Variants in CDC25C observed in about 807,000 individuals in gnomAD.
CDC25C encodes the protein cell division cycle 25C.
A neutral mutation model predicts 52.5 loss-of-function variants in CDC25C; 48 were observed. That is an observed-to-expected ratio of 0.91 (90% CI 0.72 to 1.16). CDC25C has a LOEUF of 1.16. CDC25C is among the 50% of genes most tolerant of loss of function. The pLI is 0.00. For missense variants in CDC25C, 510 were observed against 566.1 expected (o/e 0.90, Z 1.01); for synonymous variants, 187 against 206.5 (o/e 0.91, Z 0.81).
chr5:138,290,819 G>T, intron 8 of CDC25C, 79 bp from the exon 9 acceptor site: 1 of 859,096 alleles, frequency 1.2e-6, no homozygotes. Flanking sequence ...GTGGGCCATG[G>T]TGGCGCACAT....
chr5:138,337,047 T>C (rs2126873580), intron 1 of CDC25C: 1 of 152,310 alleles, frequency 6.6e-6, no homozygotes, highest in Non-Finnish European at 1.5e-5. Flanking sequence ...CTAAGTGTAA[T>C]AGTGAAGATT....
chr5:138,289,818 T>A (rs1415665068), intron 9 of CDC25C, among the ~76,000 whole-genome samples: 2 of 151,100 alleles, frequency 1.3e-5, no homozygotes, highest in African/African-American at 4.9e-5. Context: ...TAAGAAAAAA[T>A]TGTAAAACCA....
At chr5:138,326,091 C>G (rs1393940857) in intron 4 of CDC25C, 37 bp from the exon 5 acceptor site, 4 of 1,610,630 alleles carry the variant, frequency 2.5e-6, no homozygotes, top group Non-Finnish European at 3.4e-6. Flanking sequence ...AGGTTAGTCC[C>G]AAATACTGTT....
chr5:138,291,841 G>T, intron 8 of CDC25C, 129 bp downstream of exon 8: 1 of 569,790 alleles, frequency 1.8e-6, no homozygotes. Context: ...AAGATGGAAA[G>T]AACAAAGAGG....
rs1756156869 is a variant in CDC25C, at chr5:138,285,769, T to G, written c.1345A>C (p.Ser449Arg). Residue 449 changes from serine (S) to arginine (R), a missense_variant, in exon 14 of 14, where the codon AGC (serine) becomes CGC (arginine). Ser to Arg is a moderately radical substitution (Grantham distance 110). Transcript: ENST00000323760. ...TCCCCTTCCTGCACTTTGCTCTGGCTTCGACACCTCAGCAACTCAGTCTTG... is the reference window on the plus strand; with the variant it reads ...TCCCCTTCCTGCACTTTGCTCTGGCGTCGACACCTCAGCAACTCAGTCTTG... ...DHKTELLRCR[S>R]QSKVQEGERQ... The G allele has an allele frequency of 6.2e-7, 1 of 1,614,112 alleles. No homozygotes were observed. Among genetic ancestry groups the G allele is most frequent in the African/African-American group, 1.3e-5 (1 of 74,948 alleles).
intron 7 of CDC25C, among the ~76,000 whole-genome samples, chr5:138,314,030 G>A (rs943610697): frequency 2.1e-5 from 2 of 97,118 alleles, no homozygotes; most frequent in African/African-American, 7.4e-5. Context: ...GTCTTGCTCT[G>A]TCGCACCCAG....
intron 7 of CDC25C, among the ~76,000 whole-genome samples, chr5:138,318,199 G>A (rs946122333): frequency 1.1e-4 from 17 of 152,098 alleles, no homozygotes; most frequent in Admixed American, 2.0e-4. Context: ...GCATGATGGC[G>A]TGCTTTGGGA....
At chr5:138,291,673 C>T (rs1756726852) in intron 8 of CDC25C, among the ~76,000 whole-genome samples, 1 of 151,904 alleles carries the variant, frequency 6.6e-6, no homozygotes, top group East Asian at 1.9e-4. Context: ...CCCGCCTCGG[C>T]CTCCCAAAGT....
chr5:138,305,752 C>T (rs1209607623), intron 7 of CDC25C, among the ~76,000 whole-genome samples: 8 of 152,172 alleles, frequency 5.3e-5, no homozygotes, highest in Non-Finnish European at 1.2e-4. Flanking sequence ...ATTTGGCTGC[C>T]TAACATACTG....
chr5:138,325,820 CTTT>C lies in CDC25C; in HGVS notation c.451_453del (p.Lys151del). 1 of 1,609,858 alleles carries C rather than the reference CTTT, an allele frequency of 6.2e-7. No homozygotes were observed. ...GGTTTCCATTAAACACTCACATTTT[CTTT>C]ATTTGCAGATGAACTACACATTGCA... is the stretch of plus-strand genomic sequence containing the variant. On this transcript the variant is annotated inframe_deletion, in exon 6 of 14. Coordinates refer to ENST00000323760, the MANE Select transcript of CDC25C (RefSeq NM_001790.5).
chr5:138,292,816 T>C (rs907073064), intron 7 of CDC25C, among the ~76,000 whole-genome samples: 5 of 152,142 alleles, frequency 3.3e-5, no homozygotes, highest in African/African-American at 1.2e-4. Flanking sequence ...ATATTCAGAG[T>C]TGAGGGTCTA....
At chr5:138,323,220 C>T (rs1422373230) in intron 6 of CDC25C, among the ~76,000 whole-genome samples, 1 of 152,100 alleles carries the variant, frequency 6.6e-6, no homozygotes, top group Non-Finnish European at 1.5e-5. Context: ...CATGAGCCAC[C>T]ATGCCTGGCC....
intron 8 of CDC25C, 106 bp downstream of exon 8, chr5:138,291,859 AAAAGT>A: frequency 3.9e-6 from 3 of 764,570 alleles, no homozygotes; most frequent in South Asian, 4.9e-5. Context: ...AGGAAAAAGT[AAAAGT>A]AAAGAGGAAG....
intron 6 of CDC25C, among the ~76,000 whole-genome samples, chr5:138,321,695 T>C (rs1351386701): frequency 7.8e-6 from 1 of 128,034 alleles, no homozygotes; most frequent in African/African-American, 3.1e-5. Context: ...GAGGTTGCAG[T>C]GAGCTGAGAT....
intron 7 of CDC25C, among the ~76,000 whole-genome samples, chr5:138,318,180 A>G (rs1042201744): frequency 6.6e-6 from 1 of 152,142 alleles, no homozygotes; most frequent in Non-Finnish European, 1.5e-5. Flanking sequence ...ATTACAAAAA[A>G]TTAGCCAGGC....
chr5:138,321,313 T>C (rs1759365936), intron 6 of CDC25C, among the ~76,000 whole-genome samples: 1 of 152,046 alleles, frequency 6.6e-6, no homozygotes, highest in African/African-American at 2.4e-5. Flanking sequence ...TTACTGTCAC[T>C]AGACTGCACA....
At chr5:138,326,171 T>C in intron 4 of CDC25C, 117 bp from the exon 5 acceptor site, 1 of 1,011,012 alleles carries the variant, frequency 9.9e-7, no homozygotes, top group Non-Finnish European at 1.6e-6. Context: ...TATTCCTAGT[T>C]GATATGTCTC....
Position 138,286,560 on chromosome 5 carries a change from T to C in CDC25C, c.1097A>G (p.Asp366Gly). 6.2e-7 allele frequency: 1 copy of C among 1,613,996 alleles called. No homozygotes were observed. The highest frequency in any genetic ancestry group is 8.5e-7 in the Non-Finnish European group (1 of 1,179,886). Residue 366 changes from aspartate (D) to glycine (G), a missense_variant, in exon 12 of 14, where the codon GAC becomes GGC. Transcript: ENST00000323760. ...FFLKKPIVPL[D>G]TQKRIIIVFH... Reference sequence around the variant, plus strand: ...CACGATGATTATTCTCTTCTGGGTGTCCAAAGGGACGATGGGCTTCTTCAG... The same window carrying C: ...CACGATGATTATTCTCTTCTGGGTGCCCAAAGGGACGATGGGCTTCTTCAG...
chr5:138,329,760 T>C (rs922157443), intron 2 of CDC25C, 113 bp from the exon 3 acceptor site: 18 of 531,888 alleles, frequency 3.4e-5, no homozygotes, highest in African/African-American at 1.5e-4. Context: ...CAGTGGAGTC[T>C]TGCTCTGTCC....
Sources: allele counts gnomAD v4.1 joint callset (sites outside exome capture counted in the v4.1 genomes callset), GRCh38; gene constraint gnomAD v4.1.1; transcripts MANE v1.5; gene names NCBI Gene and HGNC (gene_info 2026-07-23, HGNC 2026-07-21).